DIAPH3: variants seen among roughly 807,000 people sequenced by gnomAD.
DIAPH3 encodes protein diaphanous homolog 3.
Under a neutral mutation model 144.3 loss-of-function variants are expected in DIAPH3, and 117 were observed. The ratio of observed to expected loss-of-function variants is 0.81; its 90% CI spans 0.70 to 0.95. The LOEUF (loss-of-function observed/expected upper bound fraction) is 0.95, where lower values mean the gene tolerates loss of function less well. Among genes scored for constraint, DIAPH3 ranks in the 40% least tolerant of loss-of-function variants. The probability of loss-of-function intolerance (pLI) is 0.00; values close to 1 mark genes in which losing one functional copy is unlikely to be tolerated. For synonymous variants in DIAPH3, 519 were observed against 488.9 expected (o/e 1.06, Z -0.81); for missense variants, 1,421 against 1,412.7 (o/e 1.01, Z -0.09).
At chr13:59,748,080 A>T (rs7985382) in intron 27 of DIAPH3, among the ~76,000 whole-genome samples, 52,275 of 152,072 alleles carry the variant, frequency 0.34, 9,435 homozygotes, top group African/African-American at 0.44. Context: ...TGGAACAGAG[A>T]CAGCAGTGGC....
At chr13:59,741,532 G>T (rs950688022) in intron 27 of DIAPH3, among the ~76,000 whole-genome samples, 3 of 151,954 alleles carry the variant, frequency 2.0e-5, no homozygotes, top group Non-Finnish European at 2.9e-5. Context: ...TGAGAAGGGG[G>T]AATCACTTGA....
At chr13:59,675,655 A>T (rs2032610353) in intron 27 of DIAPH3, among the ~76,000 whole-genome samples, 1 of 152,138 alleles carries the variant, frequency 6.6e-6, no homozygotes, top group African/African-American at 2.4e-5. Flanking sequence ...TAAAATTTTT[A>T]CAACAATCCC....
intron 27 of DIAPH3, among the ~76,000 whole-genome samples, chr13:59,748,410 A>G (rs1055523850): frequency 3.9e-5 from 6 of 152,214 alleles, no homozygotes; most frequent in Admixed American, 1.3e-4. Flanking sequence ...AAAAAAATGG[A>G]TGTGCAGCCT....
At chr13:59,939,328 GA>G (rs2140371168) in intron 17 of DIAPH3, among the ~76,000 whole-genome samples, 1 of 152,200 alleles carries the variant, frequency 6.6e-6, no homozygotes, top group South Asian at 2.1e-4. Flanking sequence ...ATTGTACAAA[GA>G]ATTTCATTCT....
chr13:59,691,488 A>G (rs761964911), intron 27 of DIAPH3, among the ~76,000 whole-genome samples: 16 of 152,180 alleles, frequency 1.1e-4, no homozygotes, highest in South Asian at 2.1e-4. Flanking sequence ...AACCATTTCC[A>G]TATGCTTGCT....
At chr13:59,855,998 T>C (rs908638362) in intron 22 of DIAPH3, among the ~76,000 whole-genome samples, 1 of 152,026 alleles carries the variant, frequency 6.6e-6, no homozygotes, top group South Asian at 2.1e-4. Flanking sequence ...ATCTAGGAAA[T>C]GCCGTAGATC....
intron 9 of DIAPH3, among the ~76,000 whole-genome samples, chr13:60,006,481 T>C (rs2052885093): frequency 6.6e-6 from 1 of 152,214 alleles, no homozygotes; most frequent in South Asian, 2.1e-4. Flanking sequence ...GGTTCAACTT[T>C]CCTCTACAAA....
intron 4 of DIAPH3, among the ~76,000 whole-genome samples, chr13:60,054,672 G>A (rs2056489607): frequency 6.6e-6 from 1 of 152,010 alleles, no homozygotes; most frequent in African/African-American, 2.4e-5. Context: ...GCAGAGCAGA[G>A]TCAGTGCAGT....
chr13:59,955,687 T>C (rs921391743), intron 17 of DIAPH3, among the ~76,000 whole-genome samples: 8 of 152,284 alleles, frequency 5.3e-5, no homozygotes, highest in Non-Finnish European at 2.9e-5. Context: ...TGGGAAAGTT[T>C]GGACCTTCCT....
At chr13:60,115,896 T>C (rs566643550) in intron 2 of DIAPH3, among the ~76,000 whole-genome samples, 18 of 152,086 alleles carry the variant, frequency 1.2e-4, no homozygotes, top group Non-Finnish European at 2.5e-4. Context: ...CAAATCAATG[T>C]TGTTCCAGGA....
intron 5 of DIAPH3, among the ~76,000 whole-genome samples, chr13:60,040,140 T>C (rs940232694): frequency 1.4e-5 from 2 of 143,508 alleles, no homozygotes; most frequent in African/African-American, 5.2e-5. Flanking sequence ...GGCAGGAGAA[T>C]CGCTTGAACT....
chr13:59,895,034 G>C (rs1449385858), intron 20 of DIAPH3, among the ~76,000 whole-genome samples: 1 of 152,016 alleles, frequency 6.6e-6, no homozygotes, highest in African/African-American at 2.4e-5. Context: ...TCAGCATAAA[G>C]CCACAAACTG....
intron 20 of DIAPH3, among the ~76,000 whole-genome samples, chr13:59,891,408 C>A (rs2045785866): frequency 6.7e-6 from 1 of 150,086 alleles, no homozygotes. Context: ...AACTAGAAAG[C>A]ATCATGTTTC....
At chr13:59,930,179 C>A (rs1284897032) in intron 17 of DIAPH3, among the ~76,000 whole-genome samples, 1 of 152,036 alleles carries the variant, frequency 6.6e-6, no homozygotes, top group Non-Finnish European at 1.5e-5. Flanking sequence ...CAGGATTTTA[C>A]TTATTTTGTC....
intron 22 of DIAPH3, among the ~76,000 whole-genome samples, chr13:59,858,114 G>A (rs913361473): frequency 6.6e-6 from 1 of 152,136 alleles, no homozygotes; most frequent in Non-Finnish European, 1.5e-5. Context: ...ATATAAATTT[G>A]TAAGTCTTTA....
chr13:60,147,105 T>C (rs1951563872), intron 1 of DIAPH3: 1 of 152,176 alleles, frequency 6.6e-6, no homozygotes, highest in South Asian at 2.1e-4. Context: ...GACTCACAGG[T>C]GAAGCCTCCA....
chr13:59,940,933 T>C (rs1023225683), intron 17 of DIAPH3, among the ~76,000 whole-genome samples: 1 of 152,172 alleles, frequency 6.6e-6, no homozygotes, highest in Non-Finnish European at 1.5e-5. Context: ...GCAGAGAAAG[T>C]AGAGCCAGAT....
At chr13:59,671,974 T>C (rs2032396262) in intron 27 of DIAPH3, among the ~76,000 whole-genome samples, 1 of 152,172 alleles carries the variant, frequency 6.6e-6, no homozygotes, top group Non-Finnish European at 1.5e-5. Flanking sequence ...AAAAACTCAT[T>C]CATCCTGTGC....
chr13:59,915,564 T>C (rs1404029445), intron 19 of DIAPH3, among the ~76,000 whole-genome samples: 2 of 152,118 alleles, frequency 1.3e-5, no homozygotes, highest in African/African-American at 4.8e-5. Context: ...TATCAAGATA[T>C]ACATTATTGA....
Sources: allele counts gnomAD v4.1 joint callset (sites outside exome capture counted in the v4.1 genomes callset), GRCh38; gene constraint gnomAD v4.1.1; transcripts MANE v1.5; gene names NCBI Gene and HGNC (gene_info 2026-07-23, HGNC 2026-07-21).